Variants in ARAP3 observed in about 807,000 individuals in gnomAD.
ARAP3 encodes the protein arf-GAP with Rho-GAP domain, ANK repeat and PH domain-containing protein 3.
ARAP3 carries 82 observed loss-of-function variants against 169.2 expected under a neutral mutation model. That is an observed-to-expected ratio of 0.48 (90% CI 0.41 to 0.58). The LOEUF is 0.58. ARAP3 is among the 20% of genes least tolerant of loss of function. The pLI is 0.00. For synonymous variants in ARAP3, 791 were observed against 800.3 expected, an observed-to-expected ratio of 0.99 and a Z score of 0.20; for missense variants, 1,764 against 2,018.0, an observed-to-expected ratio of 0.87 and a Z score of 2.41.
intron 14 of ARAP3, 61 bp from the exon 15 acceptor site, chr5:141,670,124 G>C (rs2099911218): frequency 3.2e-6 from 5 of 1,563,292 alleles, no homozygotes; most frequent in Non-Finnish European, 3.4e-6. Context: ...CATAGTTCCA[G>C]TTTACCAGAT....
intron 16 of ARAP3, among the ~76,000 whole-genome samples, chr5:141,667,643 G>A (rs1311199592): frequency 6.7e-6 from 1 of 150,046 alleles, no homozygotes; most frequent in African/African-American, 2.4e-5. Flanking sequence ...TGCATGGCTG[G>A]TCTCAAACTC....
chr5:141,653,746 A>C lies in ARAP3; in HGVS notation c.*204T>G. 4 of 519,892 alleles carry C rather than the reference A, an allele frequency of 7.7e-6. No individual in the cohort carries two copies. Among genetic ancestry groups the C allele is most frequent in the Non-Finnish European group, 9.5e-6 (3 of 316,954 alleles). 32.2% of individuals were successfully genotyped at this position (519,892 alleles called of 1,614,324 possible). On this transcript the variant is annotated 3_prime_UTR_variant, in exon 33 of 33. Transcript: ENST00000239440. Reference sequence around the variant, plus strand: ...CTCCTTACTTCAGTTACCTCATGGTATAGATAAATGGGCTGGGCCCAGAGA... The same window carrying C: ...CTCCTTACTTCAGTTACCTCATGGTCTAGATAAATGGGCTGGGCCCAGAGA...
At chr5:141,656,964 T>C (rs1224641287) in intron 25 of ARAP3, 118 bp from the exon 26 acceptor site, 8 of 1,375,432 alleles carry the variant, frequency 5.8e-6, no homozygotes, top group Non-Finnish European at 6.8e-6. Context: ...TATTTTTCAC[T>C]GTCTCTATGC....
Position 141,680,437 on chromosome 5 carries a change from T to A in ARAP3, c.50A>T (p.His17Leu). Residue 17 changes from histidine to leucine, a missense_variant, in exon 2 of 33, where the codon CAC becomes CTC. Physicochemically the swap from His to Leu is moderately conservative, Grantham distance 99. Transcript: ENST00000239440. ...GAACGTGTCTGCATACTGCTCCAGGTGCACCGTGGCCAGCCACACAGCGAT... is the reference window on the plus strand; with the variant it reads ...GAACGTGTCTGCATACTGCTCCAGGAGCACCGTGGCCAGCCACACAGCGAT... ...LDIAVWLATV[H>L]LEQYADTFRR... 1 of 1,610,744 alleles carries A rather than the reference T, an allele frequency of 6.2e-7. No homozygotes were observed.
chr5:141,670,542 C>T lies in ARAP3; in HGVS notation c.2077G>A (p.Gly693Arg). ...CGGCCCCTGCGAGGGGGTGAGGGTC[C>T]AGCTTTGTTGCTGACGGGACTGCAG... ...LYCSPVSNKA[G>R]PSPPRRGRDA... Residue 693 changes from glycine (G) to arginine (R), a missense_variant, in exon 14 of 33, where the codon GGA (glycine) becomes AGA (arginine). This residue lies in a region of ARAP3 where 1,112 missense variants were observed against 1,285.7 expected (regional missense o/e 0.86). Coordinates refer to ENST00000239440, the MANE Select transcript of ARAP3 (RefSeq NM_022481.6). 1 of 1,614,080 alleles carries T rather than the reference C, an allele frequency of 6.2e-7. No homozygotes were observed.
chr5:141,672,162 A>T lies in ARAP3; in HGVS notation c.1525T>A (p.Ser509Thr). ...RANRQCADCG[S>T]SRPDWAAVNL... ...ACAGCAGCCCAATCTGGGCGGGAGG[A>T]CCCACAGTCCGCACACTGCCGGTTG... The change falls in exon 10 of 33, where the codon TCC (serine) becomes ACC (threonine). Residue 509 changes from serine to threonine, a missense_variant. Transcript: ENST00000239440. This position sits in a 1 kb window ranked among gnomAD's most constrained non-coding sequence, Gnocchi z 4.9. 1.9e-6 allele frequency: 3 copies of T among 1,614,036 alleles called. No homozygotes were observed. Among genetic ancestry groups the T allele is most frequent in the Non-Finnish European group, 2.5e-6 (3 of 1,179,990 alleles).
intron 6 of ARAP3, 93 bp downstream of exon 6, chr5:141,673,307 AC>A: frequency 6.5e-7 from 1 of 1,532,798 alleles, no homozygotes; most frequent in South Asian, 1.2e-5. Context: ...TGCCCCGCCC[AC>A]ACACACAATG....
chr5:141,666,604 CG>C lies in ARAP3; in HGVS notation c.2391del (p.Leu799CysfsTer116). The C allele has an allele frequency of 6.7e-7, 1 of 1,481,546 alleles. No homozygotes were observed. The allele number at this position is 1,481,546 out of a possible 1,614,324, so 91.8% of individuals were successfully genotyped here. A position where few individuals can be genotyped will look rare whatever the true frequency, so the allele number is the denominator to read the frequency against. ...CATAGGCGGCCCAGCCGCAGCAGCC[CG>C]GGGCCCAGCAGCTGGTGGCAGCTCA... ...SPLSCHQLLGPGLLRLGRLWL... is the reference protein window; with the variant it reads ...SPLSCHQLLGXGLLRLGRLWL... On this transcript the variant is annotated frameshift_variant, in exon 17 of 33. Transcript: ENST00000239440. LOFTEE classifies it high-confidence loss of function.
At chr5:141,660,214 C>T (rs564603069) in intron 21 of ARAP3, among the ~76,000 whole-genome samples, 4 of 152,256 alleles carry the variant, frequency 2.6e-5, no homozygotes, top group East Asian at 1.9e-4. Flanking sequence ...ATACATGGGC[C>T]GGGCGCGGTG....
chr5:141,657,000 C>T (rs576141927), intron 25 of ARAP3, among the ~76,000 whole-genome samples, 154 bp from the exon 26 acceptor site: 3 of 152,268 alleles, frequency 2.0e-5, no homozygotes, highest in South Asian at 2.1e-4. Flanking sequence ...CCCTGGGATA[C>T]GGTGGTGAGC....
At position 141,673,087 on chromosome 5, in the gene ARAP3, G is replaced by C; in HGVS notation, c.1019C>G (p.Thr340Ser). 6.2e-7 allele frequency: 1 copy of C among 1,614,192 alleles called. No homozygotes were observed. The highest frequency in any genetic ancestry group is 8.5e-7 in the Non-Finnish European group (1 of 1,180,024). Reference sequence around the variant, plus strand: ...GAACTTGTTGTCCTTGCTGCTGCGGGTCATCTCAATGGCAGTCAAAGGTAT... The same window carrying C: ...GAACTTGTTGTCCTTGCTGCTGCGGCTCATCTCAATGGCAGTCAAAGGTAT... ...GVIPLTAIEM[T>S]RSSKDNKFQV... The change falls in exon 7 of 33, where the codon ACC becomes AGC. Residue 340 changes from threonine to serine, a missense_variant. Transcript: ENST00000239440.
chr5:141,664,137 C>A (rs1171421154), intron 19 of ARAP3, among the ~76,000 whole-genome samples: 1 of 152,154 alleles, frequency 6.6e-6, no homozygotes, highest in East Asian at 1.9e-4. Flanking sequence ...GTAATCCCAG[C>A]ACTTTGGGAG....
chr5:141,666,880 C>T, intron 16 of ARAP3: 1 of 402,612 alleles, frequency 2.5e-6, no homozygotes. Context: ...AGTTTGCTCT[C>T]CCCAACATAA....
At chr5:141,656,466 C>T in intron 27 of ARAP3, 38 bp downstream of exon 27, 1 of 1,601,038 alleles carries the variant, frequency 6.2e-7, no homozygotes, top group Non-Finnish European at 8.5e-7. Context: ...CTCTCCATGG[C>T]CACCCAGCAT....
intron 4 of ARAP3, among the ~76,000 whole-genome samples, chr5:141,674,803 A>G (rs777956786): frequency 6.6e-6 from 1 of 152,186 alleles, no homozygotes; most frequent in African/African-American, 2.4e-5. Flanking sequence ...TCCCTGGACC[A>G]AGGACCAAGT....
In ARAP3 at chr5:141,659,771, A is replaced by G. The variant is rs1375360411; in HGVS notation, c.3267+8T>C. On this transcript the variant is annotated splice_region_variant and intron_variant, in intron 22 of 32. Coordinates refer to ENST00000239440, the MANE Select transcript of ARAP3 (RefSeq NM_022481.6). ...GGGGTTGTGGGTTAGGGGTCAGGAA[A>G]GCCTTACATCAAAGACAGAGATGTA... is the stretch of plus-strand genomic sequence containing the variant. 2 of 1,607,858 alleles carry G rather than the reference A, an allele frequency of 1.2e-6. No individual in the cohort carries two copies. Among genetic ancestry groups the G allele is most frequent in the Admixed American group, 3.3e-5 (2 of 59,884 alleles).
At position 141,670,623 on chromosome 5, in the gene ARAP3, A is replaced by G; in HGVS notation, c.1996T>C (p.Ser666Pro). 6.2e-7 allele frequency: 1 copy of G among 1,613,320 alleles called. No individual in the cohort carries two copies. Among genetic ancestry groups the G allele is most frequent in the Non-Finnish European group, 8.5e-7 (1 of 1,179,362 alleles). ...SCPGLLPSDPSPGVYNEVVVR... is the reference protein window; with the variant it reads ...SCPGLLPSDPPPGVYNEVVVR... ...ACCACCTCATTGTACACACCAGGGG[A>G]GGGGTCTGCAAGGGGAAGGGGAAGT... The change falls in exon 14 of 33, where the codon TCC (serine) becomes CCC (proline). Residue 666 changes from serine (S) to proline (P), a missense_variant. Physicochemically the swap from Ser to Pro is moderately conservative, Grantham distance 74 (BLOSUM62 -1). This residue lies in a region of ARAP3 where 1,112 missense variants were observed against 1,285.7 expected (regional missense o/e 0.86). Coordinates refer to ENST00000239440, the MANE Select transcript of ARAP3 (RefSeq NM_022481.6).
chr5:141,674,277 G>GTCTC (rs146191411), intron 4 of ARAP3, among the ~76,000 whole-genome samples: 2 of 149,698 alleles, frequency 1.3e-5, no homozygotes, highest in African/African-American at 2.4e-5. Context: ...TTGAGACAGG[G>GTCTC]TCTCTCTCTC....
chr5:141,677,767 T>TTTTGTTTTTGTTTTC (rs1562426533), intron 4 of ARAP3, among the ~76,000 whole-genome samples: 11 of 143,454 alleles, frequency 7.7e-5, no homozygotes. Flanking sequence ...TTGTTTTGTT[T>TTTTGTTTTTGTTTTC]TTTGTTTTTG....
Sources: allele counts gnomAD v4.1 joint callset (sites outside exome capture counted in the v4.1 genomes callset), GRCh38; gene constraint gnomAD v4.1.1; regional missense constraint gnomAD v4.1.1; non-coding constraint Gnocchi (gnomAD v3.1); transcripts MANE v1.5; gene names NCBI Gene and HGNC (gene_info 2026-07-23, HGNC 2026-07-21).